USP47: variants seen among roughly 807,000 people sequenced by gnomAD.
USP47 encodes the protein ubiquitin carboxyl-terminal hydrolase 47.
A neutral mutation model predicts 165.1 loss-of-function variants in USP47; 35 were observed. That is an observed-to-expected ratio of 0.21 (90% CI 0.16 to 0.28). The LOEUF (loss-of-function observed/expected upper bound fraction) is 0.28. Among genes scored for constraint, USP47 ranks in the 10% least tolerant of loss-of-function variants. USP47 has a pLI of 1.00. For missense variants in USP47, 1,277 were observed against 1,607.4 expected (o/e 0.79, Z 3.52); for synonymous variants, 531 against 544.5 (o/e 0.98, Z 0.35).
chr11:11,881,336 T>C (rs1850814908), intron 2 of USP47, among the ~76,000 whole-genome samples: 1 of 152,110 alleles, frequency 6.6e-6, no homozygotes, highest in East Asian at 1.9e-4. Flanking sequence ...GTGCCCACTC[T>C]TTACCCTGAC....
chr11:11,890,950 A>G (rs1851474915), intron 3 of USP47, among the ~76,000 whole-genome samples: 1 of 152,152 alleles, frequency 6.6e-6, no homozygotes, highest in Non-Finnish European at 1.5e-5. Context: ...TATAAGTGGG[A>G]GCTGAATGAT....
At chr11:11,884,413 G>C (rs77184312) in intron 2 of USP47, 54 bp from the exon 3 acceptor site, 1 of 1,291,192 alleles carries the variant, frequency 7.7e-7, no homozygotes, top group South Asian at 1.4e-5. Context: ...TCTATTTACA[G>C]ATTACTTATT....
intron 8 of USP47, among the ~76,000 whole-genome samples, chr11:11,918,669 TC>T (rs904996680): frequency 7.9e-5 from 12 of 152,066 alleles, no homozygotes; most frequent in African/African-American, 2.9e-4. Context: ...AGTTCTCTGT[TC>T]TTTAAACTTT....
At chr11:11,849,691 C>T (rs567475756) in intron 1 of USP47, among the ~76,000 whole-genome samples, 2 of 152,314 alleles carry the variant, frequency 1.3e-5, no homozygotes, top group East Asian at 1.9e-4. Context: ...ACTTGCTTTA[C>T]TGTCATCTTT....
chr11:11,889,331 T>A (rs1851365424), intron 3 of USP47, among the ~76,000 whole-genome samples: 2 of 152,082 alleles, frequency 1.3e-5, no homozygotes, highest in Non-Finnish European at 2.9e-5. Flanking sequence ...TTTCATAAAA[T>A]CAGCTTAAGC....
At chr11:11,954,793 A>G in intron 25 of USP47, 104 bp from the exon 26 acceptor site, 2 of 1,323,712 alleles carry the variant, frequency 1.5e-6, no homozygotes, top group Non-Finnish European at 1.0e-6. Context: ...TACATGAAAC[A>G]TTTTTTAAAC....
chr11:11,905,619 T>G, intron 8 of USP47, 71 bp downstream of exon 8: 67 of 1,396,740 alleles, frequency 4.8e-5, no homozygotes, highest in Non-Finnish European at 5.5e-5. Context: ...GTATAATCTC[T>G]TGTAAGGTAA....
intron 5 of USP47, among the ~76,000 whole-genome samples, chr11:11,899,038 G>A (rs993154020): frequency 3.3e-5 from 5 of 152,218 alleles, no homozygotes; most frequent in Admixed American, 6.5e-5. Context: ...ACTGCTAGAA[G>A]TTGCACCTAG....
intron 1 of USP47, among the ~76,000 whole-genome samples, 193 bp from the exon 2 acceptor site, chr11:11,879,984 A>G (rs762386879): frequency 6.6e-5 from 10 of 152,150 alleles, no homozygotes; most frequent in African/African-American, 9.6e-5. Context: ...AAACAAACAT[A>G]TACGGTGCTT....
Position 11,936,285 on chromosome 11 carries a change from G to A in USP47, c.1870-18G>A. On this transcript the variant is annotated intron_variant, in intron 16 of 27. Coordinates refer to ENST00000527733, the MANE Select transcript of USP47 (RefSeq NM_001282659.2). Reference sequence around the variant, plus strand: ...ATGTATATATATTTTTTCTTTCTGGGGGATTACTTTCTTTTAGATGATGGA... The same window carrying A: ...ATGTATATATATTTTTTCTTTCTGGAGGATTACTTTCTTTTAGATGATGGA... 1 of 1,438,678 alleles carries A rather than the reference G, an allele frequency of 7.0e-7. No individual in the cohort carries two copies. The highest frequency in any genetic ancestry group is 9.2e-7 in the Non-Finnish European group (1 of 1,085,948). The allele number at this position is 1,438,678 out of a possible 1,614,324, so 89.1% of individuals were successfully genotyped here.
At chr11:11,851,094 C>T (rs1848699841) in intron 1 of USP47, among the ~76,000 whole-genome samples, 1 of 152,216 alleles carries the variant, frequency 6.6e-6, no homozygotes, top group Non-Finnish European at 1.5e-5. Context: ...CCCAGTGACA[C>T]ATCTTTTCTT....
rs1855386992 is a variant in USP47, at chr11:11,940,431, C to T, written c.2196C>T (p.Ala732=). 6.2e-7 allele frequency: 1 copy of T among 1,604,430 alleles called. No individual in the cohort carries two copies. Among genetic ancestry groups the T allele is most frequent in the Non-Finnish European group, 8.5e-7 (1 of 1,175,050 alleles). Residue 732 remains alanine, a splice_region_variant and synonymous_variant, in exon 19 of 28, where the codon GCC becomes GCT. Transcript: ENST00000527733. ...TTATTAAATTGCTTTCATTATAGGC[C>T]ATCCATTTACCTGCTGAAACAATGA... The part of the protein sequence containing the change: ...VTEFKQLISK[A]IHLPAETMRI...
intron 11 of USP47, among the ~76,000 whole-genome samples, chr11:11,926,311 G>C (rs1344712925): frequency 2.0e-5 from 3 of 151,980 alleles, no homozygotes; most frequent in Admixed American, 6.6e-5. Context: ...CTGGTCCTGG[G>C]GTTTTCTTTG....
rs1192787892 is a variant in USP47 at position 11,936,384 on chromosome 11, T to G, written c.1951T>G (p.Ser651Ala). 3 of 1,610,278 alleles carry G rather than the reference T, an allele frequency of 1.9e-6. No individual in the cohort carries two copies. The South Asian group carries it at 3.3e-5, about 18-fold the overall frequency. The change falls in exon 17 of 28, where the codon TCA becomes GCA. Residue 651 changes from serine (S) to alanine (A), a missense_variant. This residue lies in a region of USP47 where 909 missense variants were observed against 1,068.1 expected (regional missense o/e 0.85). Transcript: ENST00000527733. ...YDEFHDYLERSYEGEEDTPMG... is the reference protein window; with the variant it reads ...YDEFHDYLERAYEGEEDTPMG... The stretch of plus-strand genomic sequence containing the variant: ...TGAGTTTCATGATTATCTAGAACGG[T>G]CATATGAAGGAGAAGAAGATACACC...
intron 5 of USP47, among the ~76,000 whole-genome samples, chr11:11,899,355 C>G (rs933446659): frequency 1.3e-5 from 2 of 152,162 alleles, no homozygotes; most frequent in African/African-American, 4.8e-5. Flanking sequence ...AAGAGCATAG[C>G]CAGGGCTATT....
At chr11:11,939,894 T>G (rs1189787971) in intron 18 of USP47, among the ~76,000 whole-genome samples, 1 of 152,042 alleles carries the variant, frequency 6.6e-6, no homozygotes, top group Non-Finnish European at 1.5e-5. Flanking sequence ...TTTTATCTGC[T>G]GCTTTCATGT....
At chr11:11,868,352 G>C (rs1849816522) in intron 1 of USP47, among the ~76,000 whole-genome samples, 1 of 151,978 alleles carries the variant, frequency 6.6e-6, no homozygotes, top group Admixed American at 6.6e-5. Flanking sequence ...TTCTATACTT[G>C]GTCATTTTAA....
rs540034454 is a variant in USP47 at position 11,927,904 on chromosome 11, G to A, written c.1387-1530G>A. Among the ~76,000 whole-genome samples the A allele has an allele frequency of 1.5e-3, 228 of 152,046 alleles. 1 individual carries two copies. The highest frequency in any genetic ancestry group is 2.7e-3 in the Non-Finnish European group (181 of 67,894). ...TTTGTGATTTGAAACTAAAATTATT[G>A]CAATTGGGAACCCTTACTCTGTCAT... On this transcript the variant is annotated intron_variant, in intron 11 of 27. Transcript: ENST00000527733.
intron 3 of USP47, among the ~76,000 whole-genome samples, chr11:11,885,981 C>A (rs1851139022): frequency 6.6e-6 from 1 of 152,214 alleles, no homozygotes; most frequent in Non-Finnish European, 1.5e-5. Context: ...GGACCCCCAG[C>A]AAACTGCAGC....
Sources: allele counts gnomAD v4.1 joint callset (sites outside exome capture counted in the v4.1 genomes callset), GRCh38; gene constraint gnomAD v4.1.1; regional missense constraint gnomAD v4.1.1; transcripts MANE v1.5; gene names NCBI Gene and HGNC (gene_info 2026-07-23, HGNC 2026-07-21).